Variants in IVNS1ABP observed in about 807,000 individuals in gnomAD.
IVNS1ABP encodes influenza virus NS1A-binding protein.
Under a neutral mutation model 78.9 loss-of-function variants are expected in IVNS1ABP, and 25 were observed. The ratio of observed to expected loss-of-function variants is 0.32; its 90% CI spans 0.23 to 0.44. The LOEUF is 0.44. IVNS1ABP is among the 20% of genes least tolerant of loss of function. The pLI, the probability that IVNS1ABP is intolerant of heterozygous loss-of-function variation, is 1.00. For synonymous variants in IVNS1ABP, 241 were observed against 259.7 expected (o/e 0.93, Z 0.69); for missense variants, 494 against 768.9 (o/e 0.64, Z 4.23).
intron 7 of IVNS1ABP, chr1:185,306,009 A>G (rs1665731514): frequency 5.5e-6 from 1 of 182,720 alleles, no homozygotes; most frequent in Non-Finnish European, 1.2e-5. Flanking sequence ...TACTGAATAT[A>G]GTTTACACCT....
At chr1:185,310,244 T>C (rs1665850229) in intron 2 of IVNS1ABP, among the ~76,000 whole-genome samples, 1 of 152,198 alleles carries the variant, frequency 6.6e-6, no homozygotes, top group African/African-American at 2.4e-5. Flanking sequence ...AAATGGGAAC[T>C]TACAACTTTT....
At chr1:185,313,184 A>G (rs1261854838) in intron 1 of IVNS1ABP, among the ~76,000 whole-genome samples, 7 of 152,198 alleles carry the variant, frequency 4.6e-5, no homozygotes, top group Admixed American at 4.6e-4. Context: ...AAAACACTGG[A>G]GAATTTTTGG....
At chr1:185,303,138 A>T (rs1665644480) in intron 8 of IVNS1ABP, among the ~76,000 whole-genome samples, 1 of 152,162 alleles carries the variant, frequency 6.6e-6, no homozygotes, top group South Asian at 2.1e-4. Flanking sequence ...CAAATGGATG[A>T]TGCTTACATT....
chr1:185,297,928 T>A lies in IVNS1ABP; in HGVS notation c.*107A>T. On this transcript the variant is annotated 3_prime_UTR_variant, in exon 15 of 15. Coordinates refer to ENST00000367498, the MANE Select transcript of IVNS1ABP (RefSeq NM_006469.5). The stretch of plus-strand genomic sequence containing the variant: ...TATGCAATATGCAAAAGCTTTGTGT[T>A]GCTGTTAGCAACATCTATACCCACC... 1 of 1,060,230 alleles carries A rather than the reference T, an allele frequency of 9.4e-7. No individual in the cohort carries two copies. Among genetic ancestry groups the A allele is most frequent in the Non-Finnish European group, 1.4e-6 (1 of 720,462 alleles). 65.7% of individuals were successfully genotyped at this position (1,060,230 alleles called of 1,614,324 possible).
At chr1:185,300,745 CT>C (rs759651752) in intron 10 of IVNS1ABP, 187 bp from the exon 11 acceptor site, 2 of 708,344 alleles carry the variant, frequency 2.8e-6, no homozygotes, top group Non-Finnish European at 4.6e-6. Context: ...TACAAATAAA[CT>C]GCTTAGTCTT....
At chr1:185,314,154 A>T (rs1201166302) in intron 1 of IVNS1ABP, among the ~76,000 whole-genome samples, 1 of 152,200 alleles carries the variant, frequency 6.6e-6, no homozygotes, top group African/African-American at 2.4e-5. Flanking sequence ...GTAAATCAAC[A>T]CATCTTTTTA....
Position 185,298,344 on chromosome 1 carries a change from C to A in IVNS1ABP, c.1676-56G>T, listed in dbSNP as rs1665478373. 4 of 1,501,666 alleles carry A rather than the reference C, an allele frequency of 2.7e-6. No individual in the cohort carries two copies. The Admixed American group carries it at 5.6e-5, about 21-fold the overall frequency. The allele number at this position is 1,501,666 out of a possible 1,614,324, so 93.0% of individuals were successfully genotyped here. A position where few individuals can be genotyped will look rare whatever the true frequency, so the allele number is the denominator to read the frequency against. The stretch of plus-strand genomic sequence containing the variant: ...GAGATTAAAGTGTAATAAGGTAAAA[C>A]TCCCCTAAATCTGTCTTTTGCTTAA... On this transcript the variant is annotated intron_variant, in intron 14 of 14. Transcript: ENST00000367498. This position sits in a 1 kb window ranked among gnomAD's most constrained non-coding sequence, Gnocchi z 4.1.
chr1:185,306,797 A>C (rs370767973), intron 7 of IVNS1ABP: 204 of 686,976 alleles, frequency 3.0e-4, no homozygotes, highest in Middle Eastern at 8.9e-4. Context: ...AACAGCACAT[A>C]ATAAGCAAAG....
intron 14 of IVNS1ABP, chr1:185,299,257 G>A (rs115401282): frequency 0.014 from 2,272 of 162,148 alleles, 24 homozygotes; most frequent in South Asian, 0.032. Flanking sequence ...AGAAAGCTAT[G>A]TCTACATTTA....
chr1:185,305,817 T>TA lies in IVNS1ABP; in HGVS notation c.658-175dup. ...AAATACATGTCATGGTGGTAAAAAT[T>TA]AAAAAACAAAAACAAAAAACCAAAA... On this transcript the variant is annotated intron_variant, in intron 7 of 14. Coordinates refer to ENST00000367498, the MANE Select transcript of IVNS1ABP (RefSeq NM_006469.5). The surrounding 1 kb of genome is among the most constrained non-coding windows in gnomAD (Gnocchi z 4.0). The TA allele has an allele frequency of 5.8e-6, 4 of 689,058 alleles. No individual in the cohort carries two copies. Among genetic ancestry groups the TA allele is most frequent in the Non-Finnish European group, 4.4e-6 (2 of 459,312 alleles). The allele number at this position is 689,058 out of a possible 1,614,324, so 42.7% of individuals were successfully genotyped here. A position where few individuals can be genotyped will look rare whatever the true frequency, so the allele number is the denominator to read the frequency against.
In IVNS1ABP at chr1:185,298,053, TG is replaced by T. The variant is rs1319848994; in HGVS notation, c.1910del (p.Thr637LysfsTer15). On this transcript the variant is annotated frameshift_variant, in exon 15 of 15. Transcript: ENST00000367498. LOFTEE classifies it high-confidence loss of function. This position sits in a 1 kb window ranked among gnomAD's most constrained non-coding sequence, Gnocchi z 4.1. ...NLESNEWSPYTKIFQF is the reference protein window; with the variant it reads ...NLESNEWSPYXKIFQF The stretch of plus-strand genomic sequence containing the variant: ...AAATTTGTTAAAACTGGAAAATCTT[TG>T]TATAGGGGCTCCATTCATTTGACTC... 1.9e-6 allele frequency: 3 copies of T among 1,613,370 alleles called. No homozygotes were observed. The highest frequency in any genetic ancestry group is 1.7e-5 in the Admixed American group (1 of 59,882).
At chr1:185,314,510 T>C (rs1315566792) in intron 1 of IVNS1ABP, among the ~76,000 whole-genome samples, 1 of 152,250 alleles carries the variant, frequency 6.6e-6, no homozygotes, top group Non-Finnish European at 1.5e-5. Flanking sequence ...AGATTGTAGA[T>C]TTGCAGGATG....
chr1:185,298,543 C>CA lies in IVNS1ABP; in HGVS notation c.1676-256_1676-255insT. The CA allele has an allele frequency of 8.2e-6, 4 of 487,876 alleles. No homozygotes were observed. In the South Asian group the frequency reaches 1.1e-4, roughly 13 times the overall value. The allele number at this position is 487,876 out of a possible 1,614,324, so 30.2% of individuals were successfully genotyped here. On this transcript the variant is annotated intron_variant, in intron 14 of 14. Coordinates refer to ENST00000367498, the MANE Select transcript of IVNS1ABP (RefSeq NM_006469.5). The surrounding 1 kb of genome is among the most constrained non-coding windows in gnomAD (Gnocchi z 4.1). ...GAGGGAGAGGAAGCAGTAGCAGCAT[C>CA]TAAATAAGTACAATTTTCACCAACT...
intron 4 of IVNS1ABP, 30 bp from the exon 5 acceptor site, chr1:185,308,905 C>T (rs759146689): frequency 1.9e-6 from 3 of 1,585,040 alleles, no homozygotes; most frequent in Middle Eastern, 3.4e-4. Flanking sequence ...CTTATGATAC[C>T]AAAGCCTTAA....
chr1:185,300,012 G>A lies in IVNS1ABP; in HGVS notation c.1488C>T (p.Ala496=), dbSNP rs2102812543. 6.2e-7 allele frequency: 1 copy of A among 1,612,314 alleles called. No individual in the cohort carries two copies. The highest frequency in any genetic ancestry group is 8.5e-7 in the Non-Finnish European group (1 of 1,179,422). The change falls in exon 13 of 15, where the codon GCC becomes GCT. Residue 496 remains alanine (A), a synonymous_variant. Coordinates refer to ENST00000367498, the MANE Select transcript of IVNS1ABP (RefSeq NM_006469.5). ...DPVTKLWTSC[A]PLNIRRHQSA... is the part of the protein sequence containing the mutation. ...AAATCAACTTACGAATGTTAAGAGG[G>A]GCACAGCTTGTCCACAACTTTGTTA...
At chr1:185,304,139 C>G (rs114644311) in intron 8 of IVNS1ABP, among the ~76,000 whole-genome samples, 2,108 of 152,186 alleles carry the variant, frequency 0.014, 20 homozygotes, top group South Asian at 0.031. Flanking sequence ...CCTGGCTTCT[C>G]TCCTGTCTCA....
At chr1:185,312,767 T>G (rs940315130) in intron 1 of IVNS1ABP, among the ~76,000 whole-genome samples, 1 of 152,184 alleles carries the variant, frequency 6.6e-6, no homozygotes, top group Non-Finnish European at 1.5e-5. Context: ...TATACATAAT[T>G]CTTTCTACAC....
intron 6 of IVNS1ABP, 116 bp from the exon 7 acceptor site, chr1:185,307,255 T>TAATTTGTAAGGAACCAGG (rs548446707): frequency 4.6e-6 from 6 of 1,295,990 alleles, no homozygotes; most frequent in African/African-American, 1.5e-5. Context: ...ACATTTACTC[T>TAATTTGTAAGGAACCAGG]AATTTGTAAG....
intron 5 of IVNS1ABP, chr1:185,308,094 A>G: frequency 2.7e-6 from 4 of 1,505,310 alleles, no homozygotes; most frequent in Non-Finnish European, 3.6e-6. Flanking sequence ...TATAAGGGAA[A>G]ATCTAGAAAC....
Sources: gnomAD v4.1 joint callset for allele counts (sites outside exome capture counted in the v4.1 genomes callset) on GRCh38, gnomAD v4.1.1 for gene constraint, Gnocchi (gnomAD v3.1) non-coding constraint, MANE v1.5 for transcripts, NCBI Gene and HGNC (gene_info 2026-07-23, HGNC 2026-07-21) for gene names.